Variants in LCP1 observed in about 807,000 individuals in gnomAD.
The protein encoded by LCP1 is plastin-2.
In LCP1, 23 loss-of-function variants were observed where a neutral mutation model predicts 72.0. The ratio of observed to expected loss-of-function variants is 0.32; its 90% CI spans 0.23 to 0.45. The LOEUF (loss-of-function observed/expected upper bound fraction) is 0.45. Among genes scored for constraint, LCP1 ranks in the 20% least tolerant of loss-of-function variants. LCP1 has a pLI of 1.00. For missense variants in LCP1, 571 were observed against 748.3 expected (o/e 0.76, Z 2.76); for synonymous variants, 245 against 275.4 (o/e 0.89, Z 1.09).
intron 1 of LCP1, among the ~76,000 whole-genome samples, chr13:46,170,516 G>C (rs1465290393): frequency 6.6e-6 from 1 of 152,256 alleles, no homozygotes; most frequent in Non-Finnish European, 1.5e-5. Flanking sequence ...GCTGAGGTGG[G>C]AGGGAAAGGA....
intron 13 of LCP1, among the ~76,000 whole-genome samples, chr13:46,135,699 T>C (rs2045660644): frequency 6.6e-6 from 1 of 151,560 alleles, no homozygotes; most frequent in Admixed American, 6.6e-5. Context: ...ATTCTGTTTC[T>C]CCACCTCACA....
At chr13:46,159,330 C>A (rs1343996246) in intron 2 of LCP1, 1 of 534,662 alleles carries the variant, frequency 1.9e-6, no homozygotes, top group Non-Finnish European at 3.3e-6. Flanking sequence ...AACAGCAAAA[C>A]AGAAGACAAG....
chr13:46,154,590 C>G (rs2045788779), intron 6 of LCP1, among the ~76,000 whole-genome samples: 1 of 152,276 alleles, frequency 6.6e-6, no homozygotes, highest in South Asian at 2.1e-4. Context: ...GTGGCCAAAA[C>G]AAACATACAA....
chr13:46,155,590 C>A (rs992102221), intron 5 of LCP1, among the ~76,000 whole-genome samples: 5 of 152,108 alleles, frequency 3.3e-5, no homozygotes, highest in Non-Finnish European at 1.5e-5. Context: ...TCTTTCCCAC[C>A]CATTGTTATC....
intron 1 of LCP1, among the ~76,000 whole-genome samples, chr13:46,176,284 A>G (rs1440001597): frequency 6.6e-6 from 1 of 152,248 alleles, no homozygotes; most frequent in African/African-American, 2.4e-5. Flanking sequence ...TAGACATTGT[A>G]TGTATTGAAA....
intron 12 of LCP1, 95 bp from the exon 13 acceptor site, chr13:46,142,520 A>G: frequency 1.2e-5 from 16 of 1,356,918 alleles, no homozygotes; most frequent in Non-Finnish European, 1.6e-5. Flanking sequence ...AATGAAATAA[A>G]TATGGTAAGA....
At chr13:46,137,468 G>A (rs1381636258) in intron 13 of LCP1, among the ~76,000 whole-genome samples, 1 of 152,054 alleles carries the variant, frequency 6.6e-6, no homozygotes, top group Admixed American at 6.5e-5. Context: ...TGAACCTGGC[G>A]GGTGGAGGTT....
intron 15 of LCP1, among the ~76,000 whole-genome samples, chr13:46,128,392 A>T (rs193220391): frequency 0.022 from 3,285 of 152,274 alleles, 124 homozygotes; most frequent in African/African-American, 0.073. Flanking sequence ...AGGTCAGGAG[A>T]TCGAGACCAT....
At position 46,132,161 on chromosome 13, in the gene LCP1, C is replaced by A. The variant is rs1008177378; in HGVS notation, c.1627-1223G>T. ...TACTAAGAAGACAGGAGAAAATGAG[C>A]CCCGAGTGTTACAAGGAGCAAAAGA... On this transcript the variant is annotated intron_variant, in intron 14 of 15. Coordinates refer to ENST00000323076, the MANE Select transcript of LCP1 (RefSeq NM_002298.5). 1.3e-4 allele frequency among the ~76,000 whole-genome samples: 20 copies of A among 152,086 alleles called. 1 individual carries two copies.
intron 4 of LCP1, among the ~76,000 whole-genome samples, chr13:46,157,222 ATAAT>A (rs1336590881): frequency 2.0e-5 from 3 of 151,072 alleles, no homozygotes; most frequent in African/African-American, 7.3e-5. Context: ...AAATACATAA[ATAAT>A]AAAAATATTT....
chr13:46,159,133 T>C, intron 2 of LCP1, 144 bp from the exon 3 acceptor site: 1 of 714,658 alleles, frequency 1.4e-6, no homozygotes, highest in Non-Finnish European at 2.4e-6. Flanking sequence ...AGAGTCAGAA[T>C]CTCACAAGAT....
chr13:46,128,962 T>G (rs2045617881), intron 15 of LCP1, among the ~76,000 whole-genome samples: 1 of 152,158 alleles, frequency 6.6e-6, no homozygotes, highest in South Asian at 2.1e-4. Context: ...ATTACTTTAC[T>G]TTTACTTTAT....
chr13:46,137,717 T>A (rs2045673336), intron 13 of LCP1, among the ~76,000 whole-genome samples: 1 of 152,266 alleles, frequency 6.6e-6, no homozygotes, highest in South Asian at 2.1e-4. Flanking sequence ...TGCTATTAAA[T>A]GGAGCCCTCC....
At chr13:46,146,877 TC>T (rs879850137) in intron 10 of LCP1, 30 bp downstream of exon 10, 3 of 1,608,448 alleles carry the variant, frequency 1.9e-6, no homozygotes, top group Non-Finnish European at 1.7e-6. Context: ...TGAGTGCCTT[TC>T]CCCATCTTAG....
chr13:46,161,258 C>T (rs2045836716), intron 1 of LCP1, among the ~76,000 whole-genome samples: 2 of 152,176 alleles, frequency 1.3e-5, no homozygotes, highest in South Asian at 4.1e-4. Context: ...ATCTCCTTGT[C>T]ACCTTCATCT....
intron 1 of LCP1, among the ~76,000 whole-genome samples, chr13:46,163,484 G>A (rs375469703): frequency 2.6e-5 from 4 of 151,032 alleles, no homozygotes; most frequent in African/African-American, 7.3e-5. Flanking sequence ...AAGTACCCAG[G>A]GACACAAACA....
chr13:46,126,941 G>T lies in LCP1; in HGVS notation c.*650C>A. On this transcript the variant is annotated 3_prime_UTR_variant, in exon 16 of 16. Coordinates refer to ENST00000323076, the MANE Select transcript of LCP1 (RefSeq NM_002298.5). Reference sequence around the variant, plus strand: ...GACTCCAGTTTTGAGGAAAGGCTCTGATGATGAGGCTTACTTCTGCAGGCT... The same window carrying T: ...GACTCCAGTTTTGAGGAAAGGCTCTTATGATGAGGCTTACTTCTGCAGGCT... The T allele has an allele frequency of 4.3e-6, 1 of 230,862 alleles. No homozygotes were observed. The highest frequency in any genetic ancestry group is 6.1e-5 in the East Asian group (1 of 16,272). 14.3% of individuals were successfully genotyped at this position (230,862 alleles called of 1,614,324 possible).
chr13:46,166,051 C>T (rs2045874678), intron 1 of LCP1, among the ~76,000 whole-genome samples: 1 of 152,138 alleles, frequency 6.6e-6, no homozygotes, highest in Non-Finnish European at 1.5e-5. Context: ...TTAAAGGGTG[C>T]TGGTATTTCC....
intron 4 of LCP1, among the ~76,000 whole-genome samples, chr13:46,157,928 T>C (rs1224224459): frequency 6.6e-6 from 1 of 152,090 alleles, no homozygotes; most frequent in Non-Finnish European, 1.5e-5. Context: ...GGTTTCACCA[T>C]GTTGCCCAGG....
Sources: allele counts gnomAD v4.1 joint callset (sites outside exome capture counted in the v4.1 genomes callset), GRCh38; gene constraint gnomAD v4.1.1; transcripts MANE v1.5; gene names NCBI Gene and HGNC (gene_info 2026-07-23, HGNC 2026-07-21).